The following RNF175 variants were observed in gnomAD, a reference collection of about 807,000 sequenced individuals.
RNF175 encodes the protein ring finger protein 175.
Under a neutral mutation model 50.0 loss-of-function variants are expected in RNF175, and 38 were observed. The ratio of observed to expected loss-of-function variants is 0.76; its 90% confidence interval spans 0.59 to 1.00. The LOEUF (loss-of-function observed/expected upper bound fraction) is 1.00. Among genes scored for constraint, RNF175 ranks in the 50% least tolerant of loss-of-function variants. The pLI is 0.00. For missense variants in RNF175, 388 were observed against 409.6 expected, an observed-to-expected ratio of 0.95 and a Z score of 0.46; for synonymous variants, 155 against 146.1, an observed-to-expected ratio of 1.06 and a Z score of -0.44.
At chr4:153,740,577 A>G (rs1488543842) in intron 3 of RNF175, among the ~76,000 whole-genome samples, 1 of 152,166 alleles carries the variant, frequency 6.6e-6, no homozygotes, top group Non-Finnish European at 1.5e-5. Context: ...GAAACTTTGT[A>G]CTTGTTTACC....
At chr4:153,744,004 C>G (rs1362232052) in intron 3 of RNF175, among the ~76,000 whole-genome samples, 1 of 152,096 alleles carries the variant, frequency 6.6e-6, no homozygotes, top group Non-Finnish European at 1.5e-5. Context: ...CCAGGTAGAG[C>G]CAGTGTGTAA....
chr4:153,738,833 T>C (rs1204508904), intron 3 of RNF175, among the ~76,000 whole-genome samples: 1 of 152,218 alleles, frequency 6.6e-6, no homozygotes, highest in Non-Finnish European at 1.5e-5. Context: ...TTTAACTGGG[T>C]ATTTTATGAG....
intron 6 of RNF175, among the ~76,000 whole-genome samples, chr4:153,718,835 G>A (rs1207651120): frequency 6.6e-6 from 1 of 152,152 alleles, no homozygotes; most frequent in Non-Finnish European, 1.5e-5. Context: ...TATGGTGGAG[G>A]GGATGGACAA....
chr4:153,715,700 G>A, intron 6 of RNF175, 38 bp from the exon 7 acceptor site: 18 of 1,596,016 alleles, frequency 1.1e-5, no homozygotes, highest in Non-Finnish European at 1.5e-5. Flanking sequence ...TCAGAAAGGA[G>A]AGCACATGCC....
rs1339 is a variant in RNF175, at chr4:153,710,411, T to C, written c.945A>G (p.Ile315Met). ...AATAGATAATGCCTTGAACTATTCCTATCACCACAGGTTGCCAGGCCACCA... is the reference window on the plus strand; with the variant it reads ...AATAGATAATGCCTTGAACTATTCCCATCACCACAGGTTGCCAGGCCACCA... ...RYLVAWQPVVIGIVQGIIYSL... is the reference protein window; with the variant it reads ...RYLVAWQPVVMGIVQGIIYSL... The change falls in exon 9 of 9, where the codon ATA becomes ATG. Residue 315 changes from isoleucine (I) to methionine (M), a missense_variant. Coordinates refer to ENST00000347063, the MANE Select transcript of RNF175 (RefSeq NM_173662.4). 0.2 allele frequency: 309,658 copies of C among 1,573,060 alleles called. 32,494 individuals carry two copies. The highest frequency in any genetic ancestry group is 0.27 in the East Asian group (11,903 of 43,470).
chr4:153,744,206 G>A (rs767338120), intron 3 of RNF175, among the ~76,000 whole-genome samples: 8 of 152,172 alleles, frequency 5.3e-5, no homozygotes, highest in Non-Finnish European at 1.0e-4. Flanking sequence ...TGGATCACCT[G>A]AGGTTAGGAG....
At chr4:153,728,018 G>T (rs577758617) in intron 4 of RNF175, among the ~76,000 whole-genome samples, 189 bp downstream of exon 4, 38 of 152,248 alleles carry the variant, frequency 2.5e-4, no homozygotes, top group Middle Eastern at 3.4e-3. Flanking sequence ...TATCTGAATT[G>T]CTATTAAATA....
intron 3 of RNF175, among the ~76,000 whole-genome samples, chr4:153,741,107 TG>T (rs1739633573): frequency 6.6e-6 from 1 of 152,220 alleles, no homozygotes; most frequent in African/African-American, 2.4e-5. Flanking sequence ...TGTTATCATA[TG>T]GTTAAGTCTC....
chr4:153,716,488 G>A, intron 6 of RNF175, among the ~76,000 whole-genome samples: 1 of 152,152 alleles, frequency 6.6e-6, no homozygotes, highest in Non-Finnish European at 1.5e-5. Context: ...TGGGATATCT[G>A]CATCTTCCCG....
At chr4:153,755,327 C>T (rs1315948109) in intron 1 of RNF175, among the ~76,000 whole-genome samples, 1 of 152,266 alleles carries the variant, frequency 6.6e-6, no homozygotes, top group Non-Finnish European at 1.5e-5. Context: ...TGAAGCCTGC[C>T]TGTCAACAGG....
intron 1 of RNF175, among the ~76,000 whole-genome samples, chr4:153,759,592 G>A (rs1398395913): frequency 6.6e-6 from 1 of 152,148 alleles, no homozygotes; most frequent in African/African-American, 2.4e-5. Context: ...CAGAAGTGGG[G>A]AGGGAGGGAG....
intron 6 of RNF175, among the ~76,000 whole-genome samples, chr4:153,719,753 A>G (rs1334549538): frequency 6.6e-6 from 1 of 152,228 alleles, no homozygotes. Flanking sequence ...TATTACCCAG[A>G]TGCACTGTTG....
At chr4:153,725,736 C>T (rs982076963) in intron 4 of RNF175, among the ~76,000 whole-genome samples, 1 of 152,204 alleles carries the variant, frequency 6.6e-6, no homozygotes, top group Non-Finnish European at 1.5e-5. Context: ...GAGGATAACA[C>T]TAGCTCCTAA....
intron 3 of RNF175, 90 bp from the exon 4 acceptor site, chr4:153,728,451 A>G: frequency 9.3e-7 from 1 of 1,075,098 alleles, no homozygotes; most frequent in Non-Finnish European, 1.4e-6. Context: ...CATTGCTGGG[A>G]GAACCACCTT....
At chr4:153,715,956 C>G (rs777970456) in intron 6 of RNF175, among the ~76,000 whole-genome samples, 65 of 149,226 alleles carry the variant, frequency 4.4e-4, no homozygotes, top group Non-Finnish European at 1.6e-4. Context: ...CCCAGCTACT[C>G]GGGAGGCTGA....
chr4:153,755,532 A>G (rs1740517144), intron 1 of RNF175, among the ~76,000 whole-genome samples: 1 of 152,228 alleles, frequency 6.6e-6, no homozygotes, highest in South Asian at 2.1e-4. Context: ...ATAAAAACTC[A>G]AATGAAGAAT....
At chr4:153,753,936 C>T (rs1229567650) in intron 1 of RNF175, among the ~76,000 whole-genome samples, 8 of 150,562 alleles carry the variant, frequency 5.3e-5, no homozygotes, top group Admixed American at 3.3e-4. Flanking sequence ...TTTGGGAGGC[C>T]GAGGCGGGCG....
chr4:153,753,087 A>G (rs972656518), intron 1 of RNF175, among the ~76,000 whole-genome samples: 2 of 152,156 alleles, frequency 1.3e-5, no homozygotes, highest in African/African-American at 4.8e-5. Context: ...AGAGCAGCCA[A>G]TTCTGAAACT....
At chr4:153,729,079 G>A (rs1273198135) in intron 3 of RNF175, among the ~76,000 whole-genome samples, 1 of 152,188 alleles carries the variant, frequency 6.6e-6, no homozygotes, top group South Asian at 2.1e-4. Context: ...GATGTGATAT[G>A]GTTACCATAG....
Sources: allele counts gnomAD v4.1 joint callset (sites outside exome capture counted in the v4.1 genomes callset), GRCh38; gene constraint gnomAD v4.1.1; transcripts MANE v1.5; gene names NCBI Gene and HGNC (gene_info 2026-07-23, HGNC 2026-07-21).